FABP1: variants seen among roughly 807,000 people sequenced by gnomAD.
FABP1 encodes fatty acid-binding protein, liver.
In FABP1, 13 loss-of-function variants were observed where a neutral mutation model predicts 13.7. That is an observed-to-expected ratio of 0.95 (90% CI 0.62 to 1.51). FABP1 has a LOEUF of 1.51. Ranked by LOEUF, FABP1 falls within the 40% of genes most tolerant of loss-of-function variation. The pLI, the probability that FABP1 is intolerant of heterozygous loss-of-function variation, is 0.00. For synonymous variants in FABP1, 48 were observed against 59.8 expected (o/e 0.80, Z 0.91); for missense variants, 140 against 155.7 (o/e 0.90, Z 0.54).
At chr2:88,125,481 A>G (rs1239386452) in intron 2 of FABP1, among the ~76,000 whole-genome samples, 1 of 151,856 alleles carries the variant, frequency 6.6e-6, no homozygotes, top group African/African-American at 2.4e-5. Flanking sequence ...GGAGACGGGC[A>G]CCCCCATTGC....
At position 88,123,029 on chromosome 2, in the gene FABP1, A is replaced by G; in HGVS notation, c.*25T>C. 1 of 1,587,574 alleles carries G rather than the reference A, an allele frequency of 6.3e-7. No individual in the cohort carries two copies. Among genetic ancestry groups the G allele is most frequent in the East Asian group, 2.2e-5 (1 of 44,680 alleles). ...CTTTATTACATTAATTTTACACACT[A>G]AAATAATATGAAATGCAGACTTGTT... On this transcript the variant is annotated 3_prime_UTR_variant, in exon 4 of 4. Transcript: ENST00000295834.
Position 88,123,005 on chromosome 2 carries a change from T to C in FABP1, c.*49A>G, listed in dbSNP as rs748089980. Reference sequence around the variant, plus strand: ...CATTTTTTTTTAAAACAAAGTTCACTTTATTACATTAATTTTACACACTAA... The same window carrying C: ...CATTTTTTTTTAAAACAAAGTTCACCTTATTACATTAATTTTACACACTAA... On this transcript the variant is annotated 3_prime_UTR_variant, in exon 4 of 4. Coordinates refer to ENST00000295834, the MANE Select transcript of FABP1 (RefSeq NM_001443.3). The C allele has an allele frequency of 8.0e-6, 12 of 1,500,110 alleles. No homozygotes were observed. Among genetic ancestry groups the C allele is most frequent in the Non-Finnish European group, 1.0e-5 (11 of 1,093,912 alleles). The allele number at this position is 1,500,110 out of a possible 1,614,324, so 92.9% of individuals were successfully genotyped here. A position where few individuals can be genotyped will look rare whatever the true frequency, so the allele number is the denominator to read the frequency against.
At chr2:88,127,358 A>T (rs1675317526) in intron 1 of FABP1, among the ~76,000 whole-genome samples, 1 of 152,160 alleles carries the variant, frequency 6.6e-6, no homozygotes. Flanking sequence ...TCCTACTTGC[A>T]TGACCTTGCT....
At chr2:88,125,083 T>C (rs1471655078) in intron 2 of FABP1, among the ~76,000 whole-genome samples, 1 of 151,974 alleles carries the variant, frequency 6.6e-6, no homozygotes, top group African/African-American at 2.4e-5. Flanking sequence ...GTGCTGGGAT[T>C]GTAGGCATGA....
chr2:88,123,278 T>A, intron 3 of FABP1, 174 bp from the exon 4 acceptor site: 1 of 577,266 alleles, frequency 1.7e-6, no homozygotes. Flanking sequence ...GTTGGCAATG[T>A]TTTCCAAAAT....
rs1675293261 is a variant in FABP1, at chr2:88,126,202, C to T, written c.214G>A (p.Glu72Lys). 1 of 1,611,294 alleles carries T rather than the reference C, an allele frequency of 6.2e-7. No homozygotes were observed. Among genetic ancestry groups the T allele is most frequent in the African/African-American group, 1.3e-5 (1 of 74,982 alleles). ...TTGACTTTCTCCCCTGTCATTGTCT[C>T]CAGCTCACATTCCTCCCCCACCGTG... ...EFTVGEECEL[E>K]TMTGEKVKTV... The change falls in exon 2 of 4, where the codon GAG (glutamate) becomes AAG (lysine). Residue 72 changes from glutamate (E) to lysine (K), a missense_variant. Physicochemically the swap from Glu to Lys is moderately conservative, Grantham distance 56. Coordinates refer to ENST00000295834, the MANE Select transcript of FABP1 (RefSeq NM_001443.3).
intron 1 of FABP1, 162 bp from the exon 2 acceptor site, chr2:88,126,510 G>A: frequency 1.5e-6 from 1 of 682,114 alleles, no homozygotes; most frequent in Non-Finnish European, 2.5e-6. Context: ...AGCATCGGCT[G>A]TGGCCTCAGA....
intron 2 of FABP1, 46 bp downstream of exon 2, chr2:88,126,130 C>T (rs1176432673): frequency 6.4e-7 from 1 of 1,558,024 alleles, no homozygotes; most frequent in East Asian, 2.3e-5. Flanking sequence ...GGTCCCAGGG[C>T]CAGGTTCCAA....
chr2:88,127,332 T>C (rs1285000137), intron 1 of FABP1, among the ~76,000 whole-genome samples: 1 of 152,160 alleles, frequency 6.6e-6, no homozygotes, highest in Non-Finnish European at 1.5e-5. Context: ...CTGCTTCCAA[T>C]CCTAACTTAA....
intron 3 of FABP1, chr2:88,123,432 A>G (rs184641717): frequency 3.1e-6 from 1 of 320,008 alleles, no homozygotes; most frequent in African/African-American, 2.2e-5. Flanking sequence ...TTGAGTACCT[A>G]CTATGCACCA....
intron 2 of FABP1, among the ~76,000 whole-genome samples, chr2:88,125,678 C>T (rs891060326): frequency 9.2e-5 from 14 of 152,226 alleles, no homozygotes; most frequent in African/African-American, 3.4e-4. Context: ...CCCCTGAAGG[C>T]AGGGTCTGAG....
intron 1 of FABP1, 41 bp downstream of exon 1, chr2:88,127,910 C>T (rs375804958): frequency 2.5e-6 from 4 of 1,605,014 alleles, no homozygotes; most frequent in Admixed American, 1.7e-5. Context: ...TAGACCCTCA[C>T]TGATGTGACC....
At chr2:88,127,667 T>C (rs902229589) in intron 1 of FABP1, among the ~76,000 whole-genome samples, 33 of 152,172 alleles carry the variant, frequency 2.2e-4, no homozygotes, top group Admixed American at 6.5e-5. Context: ...GTTTGAAGAA[T>C]GAATAAATGC....
rs149265120 is a variant in FABP1, at chr2:88,124,049, A to C, written c.333+445T>G. On this transcript the variant is annotated intron_variant, in intron 3 of 3. Coordinates refer to ENST00000295834, the MANE Select transcript of FABP1 (RefSeq NM_001443.3). ...CATATTCTGGGGGCAAAGAAGAGTC[A>C]GGGGGACATACCTGCAGGAGAAACA... 2.3e-3 allele frequency: 367 copies of C among 156,856 alleles called. 5 individuals are homozygous for C. Among genetic ancestry groups the C allele is most frequent in the African/African-American group, 8.3e-3 (348 of 41,714 alleles). 9.7% of individuals were successfully genotyped at this position (156,856 alleles called of 1,614,324 possible). A position where few individuals can be genotyped will look rare whatever the true frequency, so the allele number is the denominator to read the frequency against.
intron 3 of FABP1, chr2:88,124,261 G>T: frequency 2.1e-6 from 1 of 469,836 alleles, no homozygotes; most frequent in Admixed American, 4.4e-5. Flanking sequence ...GCAGGTGGAG[G>T]CCTCTGTGGC....
At chr2:88,127,874 C>T in intron 1 of FABP1, 77 bp downstream of exon 1, 1 of 1,420,402 alleles carries the variant, frequency 7.0e-7, no homozygotes, top group South Asian at 1.1e-5. Flanking sequence ...AACATTTGGA[C>T]CCTAAATAGC....
Position 88,126,459 on chromosome 2 carries a change from T to C in FABP1, c.68-111A>G, listed in dbSNP as rs567491783. The C allele has an allele frequency of 1.1e-5, 12 of 1,131,736 alleles. No individual in the cohort carries two copies. The Admixed American group carries it at 1.1e-4, about 10-fold the overall frequency. 70.1% of individuals were successfully genotyped at this position (1,131,736 alleles called of 1,614,324 possible). On this transcript the variant is annotated intron_variant, in intron 1 of 3. Coordinates refer to ENST00000295834, the MANE Select transcript of FABP1 (RefSeq NM_001443.3). ...TGGAGGGACAGAGAAGGGCACTGTG[T>C]CTCCCAAGGGGCCACAGAAACTCAC...
At chr2:88,123,271 G>A in intron 3 of FABP1, 167 bp from the exon 4 acceptor site, 1 of 588,728 alleles carries the variant, frequency 1.7e-6, no homozygotes, top group Admixed American at 3.4e-5. Context: ...AGGAAAGGTT[G>A]GCAATGTTTT....
At chr2:88,127,464 G>A (rs907953911) in intron 1 of FABP1, among the ~76,000 whole-genome samples, 2 of 152,172 alleles carry the variant, frequency 1.3e-5, no homozygotes, top group African/African-American at 4.8e-5. Context: ...AATAGATGGG[G>A]TATTGCATAT....
Sources: allele counts gnomAD v4.1 joint callset (sites outside exome capture counted in the v4.1 genomes callset), GRCh38; gene constraint gnomAD v4.1.1; transcripts MANE v1.5; gene names NCBI Gene and HGNC (gene_info 2026-07-23, HGNC 2026-07-21).